RELN: variants seen among roughly 807,000 people sequenced by gnomAD.
RELN encodes the protein reelin.
A neutral mutation model predicts 427.6 loss-of-function variants in RELN; 108 were observed. That is an observed-to-expected ratio of 0.25 (90% CI 0.22 to 0.30). RELN has a LOEUF of 0.30. RELN is among the 10% of genes least tolerant of loss of function. RELN has a pLI of 1.00. For missense variants in RELN, 3,715 were observed against 4,302.8 expected, an observed-to-expected ratio of 0.86 and a Z score of 3.82; for synonymous variants, 1,524 against 1,513.4, an observed-to-expected ratio of 1.01 and a Z score of -0.16.
intron 1 of RELN, among the ~76,000 whole-genome samples, chr7:103,979,316 C>T (rs1796942561): frequency 6.6e-6 from 1 of 152,190 alleles, no homozygotes; most frequent in Non-Finnish European, 1.5e-5. Context: ...CAAGGGCAGA[C>T]CCCACTTCTT....
intron 40 of RELN, among the ~76,000 whole-genome samples, chr7:103,553,067 CA>C (rs1215545617): frequency 1.3e-5 from 2 of 151,866 alleles, no homozygotes; most frequent in Non-Finnish European, 2.9e-5. Context: ...AACATCATGA[CA>C]AATATTATAT....
intron 3 of RELN, among the ~76,000 whole-genome samples, chr7:103,822,093 A>T (rs1472122380): frequency 6.6e-6 from 1 of 152,060 alleles, no homozygotes; most frequent in Non-Finnish European, 1.5e-5. Flanking sequence ...CACTGATTTA[A>T]TGTTAAATAG....
intron 8 of RELN, among the ~76,000 whole-genome samples, chr7:103,704,927 T>C (rs1834168691): frequency 6.6e-6 from 1 of 152,170 alleles, no homozygotes; most frequent in Non-Finnish European, 1.5e-5. Flanking sequence ...CAGATTGCTT[T>C]CCCAAATTCA....
At chr7:103,606,855 G>A (rs1211032845) in intron 22 of RELN, among the ~76,000 whole-genome samples, 5 of 151,774 alleles carry the variant, frequency 3.3e-5, no homozygotes, top group Admixed American at 1.3e-4. Flanking sequence ...ACCACAATCC[G>A]GTATGTGATG....
At chr7:103,572,419 A>G (rs959221133) in intron 30 of RELN, among the ~76,000 whole-genome samples, 159 bp from the exon 31 acceptor site, 4 of 152,226 alleles carry the variant, frequency 2.6e-5, no homozygotes, top group African/African-American at 9.6e-5. Context: ...AAATTATAGT[A>G]AGTTAATTCT....
chr7:103,725,017 AAAT>A (rs1790170915), intron 7 of RELN, among the ~76,000 whole-genome samples: 1 of 152,114 alleles, frequency 6.6e-6, no homozygotes, highest in South Asian at 2.1e-4. Context: ...AGCTTTTGAT[AAAT>A]AATATGGTAA....
In RELN at chr7:103,575,656, G is replaced by C. The variant is rs759880105; in HGVS notation, c.4195C>G (p.Pro1399Ala). The C allele has an allele frequency of 6.8e-6, 11 of 1,613,954 alleles. No homozygotes were observed. Among genetic ancestry groups the C allele is most frequent in the African/African-American group, 1.3e-5 (1 of 74,922 alleles). ...IQESSSQKNV[P>A]PFGLDGVYIS... is the part of the protein sequence containing the mutation. ...TACACTCCATCTAAACCAAATGGAGGCACGTTTTTCTGTGAGCTGCTCTCC... is the reference window on the plus strand; with the variant it reads ...TACACTCCATCTAAACCAAATGGAGCCACGTTTTTCTGTGAGCTGCTCTCC... The change falls in exon 29 of 65, where the codon CCT becomes GCT. Residue 1399 changes from proline to alanine, a missense_variant. Pro to Ala is a conservative substitution (Grantham distance 27, BLOSUM62 -1). Transcript: ENST00000428762.
intron 46 of RELN, among the ~76,000 whole-genome samples, chr7:103,530,024 T>C (rs930419985): frequency 6.6e-6 from 1 of 151,884 alleles, no homozygotes; most frequent in Non-Finnish European, 1.5e-5. Context: ...AATTTAGGAG[T>C]CCTCTCTCTC....
chr7:103,613,124 C>T (rs1831998585), intron 20 of RELN, among the ~76,000 whole-genome samples: 1 of 152,188 alleles, frequency 6.6e-6, no homozygotes, highest in Non-Finnish European at 1.5e-5. Flanking sequence ...CTTTCAGTAA[C>T]TCTGTGTAGT....
chr7:103,709,605 T>C (rs1266170722), intron 8 of RELN, among the ~76,000 whole-genome samples: 2 of 152,134 alleles, frequency 1.3e-5, no homozygotes, highest in Non-Finnish European at 2.9e-5. Context: ...CTACTACCCA[T>C]GGTTATGTGG....
At chr7:103,773,905 T>C (rs2116199702) in intron 4 of RELN, among the ~76,000 whole-genome samples, 1 of 152,304 alleles carries the variant, frequency 6.6e-6, no homozygotes, top group African/African-American at 2.4e-5. Flanking sequence ...TGTGAGTTCC[T>C]CAAGAACAGG....
At chr7:103,542,901 T>C in intron 42 of RELN, 23 bp from the exon 43 acceptor site, 1 of 1,612,744 alleles carries the variant, frequency 6.2e-7, no homozygotes, top group South Asian at 1.1e-5. Context: ...GAAAATATGG[T>C]TTACCTATGA....
intron 7 of RELN, among the ~76,000 whole-genome samples, chr7:103,723,971 A>T (rs1183651507): frequency 6.6e-6 from 1 of 152,148 alleles, no homozygotes; most frequent in East Asian, 1.9e-4. Flanking sequence ...CTTTAATTTT[A>T]AAATTTTATT....
chr7:103,557,839 T>C, intron 37 of RELN, 126 bp downstream of exon 37: 1 of 633,460 alleles, frequency 1.6e-6, no homozygotes, highest in Admixed American at 2.7e-5. Flanking sequence ...AACATTTATG[T>C]ATACTAATTT....
At chr7:103,810,339 C>A (rs1792708691) in intron 3 of RELN, among the ~76,000 whole-genome samples, 1 of 152,112 alleles carries the variant, frequency 6.6e-6, no homozygotes, top group South Asian at 2.1e-4. Flanking sequence ...GTCACTCGGG[C>A]CTTGAAAGCA....
At chr7:103,523,016 T>C (rs944615783) in intron 47 of RELN, among the ~76,000 whole-genome samples, 2 of 152,214 alleles carry the variant, frequency 1.3e-5, no homozygotes, top group East Asian at 1.9e-4. Context: ...TGCATATCCT[T>C]ACATATATTC....
intron 3 of RELN, among the ~76,000 whole-genome samples, chr7:103,817,843 G>C (rs1792912533): frequency 6.7e-6 from 1 of 150,182 alleles, no homozygotes; most frequent in African/African-American, 2.5e-5. Context: ...TTTTTGGGAG[G>C]CTGAGGCAGG....
chr7:103,592,279 A>T (rs1330124985), intron 27 of RELN, among the ~76,000 whole-genome samples: 2 of 152,104 alleles, frequency 1.3e-5, no homozygotes, highest in Non-Finnish European at 2.9e-5. Flanking sequence ...ACAAGTGAGA[A>T]CATGTGGCAT....
At chr7:103,817,937 CAA>C (rs71154371) in intron 3 of RELN, among the ~76,000 whole-genome samples, 104 of 35,996 alleles carry the variant, frequency 2.9e-3, no homozygotes, top group South Asian at 8.1e-3. Context: ...GACTCCATCT[CAA>C]AAAAAAAAAA....
Sources: gnomAD v4.1 joint callset for allele counts (sites outside exome capture counted in the v4.1 genomes callset) on GRCh38, gnomAD v4.1.1 for gene constraint, MANE v1.5 for transcripts, NCBI Gene and HGNC (gene_info 2026-07-23, HGNC 2026-07-21) for gene names.